Variants in RBFOX1 observed in about 807,000 individuals in gnomAD.
The protein encoded by RBFOX1 is RNA binding fox-1 homolog 1.
Under a neutral mutation model 57.7 loss-of-function variants are expected in RBFOX1, and 8 were observed. The observed-to-expected ratio is 0.14, with a 90% CI of 0.08 to 0.25. The LOEUF is 0.25. RBFOX1 is among the 10% of genes least tolerant of loss of function. The probability of loss-of-function intolerance (pLI) is 1.00; values close to 1 mark genes in which losing one functional copy is unlikely to be tolerated. For synonymous variants in RBFOX1, 326 were observed against 222.4 expected (o/e 1.47, Z -4.15); for missense variants, 611 against 548.5 (o/e 1.11, Z -1.14).
intron 14 of RBFOX1, chr16:7,693,416 CTTTTTTTTTT>C (rs60812796): frequency 4.1e-5 from 32 of 782,666 alleles, no homozygotes; most frequent in Non-Finnish European, 5.7e-5. Context: ...TCTCAGTATC[CTTTTTTTTTT>C]TTTTTTTTCT....
intron 3 of RBFOX1, among the ~76,000 whole-genome samples, chr16:6,801,564 G>T (rs925212916): frequency 1.3e-5 from 2 of 152,078 alleles, no homozygotes; most frequent in Admixed American, 1.3e-4. Context: ...GCAGCAAAAG[G>T]AAGCCCATAA....
chr16:5,787,369 C>T (rs1407495099), intron 3 of RBFOX1, among the ~76,000 whole-genome samples: 1 of 152,122 alleles, frequency 6.6e-6, no homozygotes, highest in Non-Finnish European at 1.5e-5. Context: ...TGTTTCCTGG[C>T]AATGAAGTGA....
intron 3 of RBFOX1, among the ~76,000 whole-genome samples, chr16:5,637,571 A>C (rs8055620): frequency 0.053 from 8,126 of 152,208 alleles, 710 homozygotes; most frequent in African/African-American, 0.18. Context: ...ATCTAGTTTT[A>C]ATTGCTGTTC....
chr16:7,468,069 G>C (rs1188744241), intron 4 of RBFOX1, among the ~76,000 whole-genome samples: 1 of 152,226 alleles, frequency 6.6e-6, no homozygotes, highest in Non-Finnish European at 1.5e-5. Context: ...AATCAGCTTA[G>C]CTGCTTGCAA....
intron 4 of RBFOX1, among the ~76,000 whole-genome samples, chr16:7,180,345 A>G (rs11642417): frequency 0.29 from 43,906 of 152,042 alleles, 6,622 homozygotes; most frequent in African/African-American, 0.34. Flanking sequence ...AGAGAAGTTC[A>G]GTTACAGATA....
intron 4 of RBFOX1, among the ~76,000 whole-genome samples, chr16:7,445,441 C>G (rs2098800565): frequency 6.6e-6 from 1 of 152,102 alleles, no homozygotes. Flanking sequence ...CCTGGATCTG[C>G]ATAACTAGGA....
intron 14 of RBFOX1, among the ~76,000 whole-genome samples, chr16:7,693,817 C>T (rs576334643): frequency 2.6e-5 from 4 of 152,136 alleles, no homozygotes; most frequent in African/African-American, 9.7e-5. Context: ...ATCTATAAAG[C>T]TTAGAGGCAT....
At chr16:7,654,086 G>A (rs1469690781) in intron 12 of RBFOX1, 139 bp downstream of exon 12, 23 of 856,638 alleles carry the variant, frequency 2.7e-5, no homozygotes, top group East Asian at 8.6e-5. Context: ...CAGCCCGGCC[G>A]CGCACCTGCA....
chr16:7,265,317 C>T (rs544143269), intron 4 of RBFOX1, among the ~76,000 whole-genome samples: 13 of 151,976 alleles, frequency 8.6e-5, no homozygotes, highest in African/African-American at 3.1e-4. Context: ...GGCCTTCTCC[C>T]TGTATCTTCC....
At position 6,642,868 on chromosome 16, in the gene RBFOX1, A is replaced by T. The variant is rs530748654; in HGVS notation, c.-63-11735A>T. On this transcript the variant is annotated intron_variant, in intron 2 of 15. Transcript: ENST00000550418. ...AGCAGCTCTGCCCTGCAACCTACCC[A>T]ACTAAGGTAAACTTTACTCCCTTGG... is the stretch of plus-strand genomic sequence containing the variant. Among the ~76,000 whole-genome samples, 26 of 152,252 alleles carry T rather than the reference A, an allele frequency of 1.7e-4. 1 individual carries two copies. The South Asian group carries it at 2.9e-3, about 17-fold the overall frequency.
intron 4 of RBFOX1, among the ~76,000 whole-genome samples, chr16:5,941,003 A>T (rs2059267072): frequency 6.6e-6 from 1 of 152,192 alleles, no homozygotes; most frequent in Admixed American, 6.5e-5. Context: ...TTACAGTAGA[A>T]GGAATAACAT....
At chr16:6,968,555 G>A (rs370125157) in intron 3 of RBFOX1, among the ~76,000 whole-genome samples, 1 of 152,050 alleles carries the variant, frequency 6.6e-6, no homozygotes, top group African/African-American at 2.4e-5. Context: ...AGGAAGTCTG[G>A]CAGGGAAAGT....
chr16:5,376,448 G>C (rs143849129), intron 1 of RBFOX1, among the ~76,000 whole-genome samples: 2 of 152,228 alleles, frequency 1.3e-5, no homozygotes, highest in African/African-American at 4.8e-5. Flanking sequence ...GCGGTGGGTG[G>C]GGACCCTGCT....
chr16:7,618,945 A>G (rs930197031), intron 10 of RBFOX1, among the ~76,000 whole-genome samples: 2 of 152,352 alleles, frequency 1.3e-5, no homozygotes, highest in East Asian at 1.9e-4. Context: ...CCGCATCTGC[A>G]TTAGCTATTT....
intron 1 of RBFOX1, among the ~76,000 whole-genome samples, chr16:5,431,484 T>A (rs923597997): frequency 6.6e-6 from 1 of 151,956 alleles, no homozygotes; most frequent in Admixed American, 6.6e-5. Context: ...AAGCAATTCT[T>A]CTGCCTCAGA....
At chr16:7,547,087 A>G (rs1292484594) in intron 5 of RBFOX1, among the ~76,000 whole-genome samples, 2 of 152,064 alleles carry the variant, frequency 1.3e-5, no homozygotes, top group Non-Finnish European at 1.5e-5. Flanking sequence ...TCTCAGAGTG[A>G]TTTAAAATGC....
intron 2 of RBFOX1, among the ~76,000 whole-genome samples, chr16:5,584,455 T>C (rs749532332): frequency 6.6e-6 from 1 of 152,190 alleles, no homozygotes; most frequent in Non-Finnish European, 1.5e-5. Flanking sequence ...CCTTGTCTCA[T>C]TACGTCTATT....
intron 2 of RBFOX1, among the ~76,000 whole-genome samples, chr16:5,483,334 C>T (rs1457378668): frequency 1.3e-5 from 2 of 152,230 alleles, no homozygotes; most frequent in African/African-American, 4.8e-5. Context: ...GATCAAGACA[C>T]ACTTGGTCTC....
intron 3 of RBFOX1, among the ~76,000 whole-genome samples, chr16:7,034,856 T>TTTTTTTTTTTTTTTTTTC (rs2043914773): frequency 1.1e-5 from 1 of 91,770 alleles, no homozygotes; most frequent in Non-Finnish European, 2.2e-5. Flanking sequence ...TTCTTTTTTT[T>TTTTTTTTTTTTTTTTTTC]TTTTTTTTTT....
Sources: gnomAD v4.1 joint callset for allele counts (sites outside exome capture counted in the v4.1 genomes callset) on GRCh38, gnomAD v4.1.1 for gene constraint, MANE v1.5 for transcripts, NCBI Gene and HGNC (gene_info 2026-07-23, HGNC 2026-07-21) for gene names.